AP3M1: variants seen among roughly 807,000 people sequenced by gnomAD.
The protein encoded by AP3M1 is adaptor related protein complex 3 subunit mu 1.
Under a neutral mutation model 42.6 loss-of-function variants are expected in AP3M1, and 29 were observed. The ratio of observed to expected loss-of-function variants is 0.68; its 90% CI spans 0.51 to 0.93. AP3M1 has a LOEUF of 0.93. AP3M1 is among the 40% of genes least tolerant of loss of function. AP3M1 has a pLI of 0.00. For missense variants in AP3M1, 416 were observed against 510.2 expected, an observed-to-expected ratio of 0.82 and a Z score of 1.78; for synonymous variants, 178 against 175.3, an observed-to-expected ratio of 1.02 and a Z score of -0.12.
intron 3 of AP3M1, among the ~76,000 whole-genome samples, chr10:74,135,553 C>T (rs1278269005): frequency 6.6e-6 from 1 of 152,148 alleles, no homozygotes. Flanking sequence ...TAAATATAAT[C>T]TGTATTTAGC....
intron 1 of AP3M1, among the ~76,000 whole-genome samples, chr10:74,141,879 G>GTT (rs58905652): frequency 7.1e-6 from 1 of 140,560 alleles, no homozygotes; most frequent in Non-Finnish European, 1.5e-5. Context: ...CACCTGGCTA[G>GTT]TTTTTTTTTT....
chr10:74,130,027 A>G (rs1484625029), intron 4 of AP3M1, 35 bp from the exon 5 acceptor site: 2 of 1,322,992 alleles, frequency 1.5e-6, no homozygotes, highest in Non-Finnish European at 2.2e-6. Context: ...GATAACATCA[A>G]TGGAATATGA....
At chr10:74,134,700 T>C (rs1416627985) in intron 3 of AP3M1, among the ~76,000 whole-genome samples, 1 of 152,210 alleles carries the variant, frequency 6.6e-6, no homozygotes, top group Non-Finnish European at 1.5e-5. Flanking sequence ...CCTGGTAAAC[T>C]GACACATGCC....
At chr10:74,124,117 TA>T (rs1840547359) in intron 8 of AP3M1, among the ~76,000 whole-genome samples, 1 of 152,232 alleles carries the variant, frequency 6.6e-6, no homozygotes, top group Non-Finnish European at 1.5e-5. Context: ...GTCTGTGAAG[TA>T]TAATTCTACT....
intron 7 of AP3M1, 56 bp from the exon 8 acceptor site, chr10:74,124,580 C>A: frequency 4.8e-6 from 7 of 1,450,438 alleles, no homozygotes; most frequent in East Asian, 2.3e-5. Flanking sequence ...GACAAACCCT[C>A]AAAAACAAAG....
At chr10:74,137,994 C>CAG (rs1173109350) in intron 2 of AP3M1, 113 bp downstream of exon 2, 17 of 1,135,786 alleles carry the variant, frequency 1.5e-5, no homozygotes, top group Non-Finnish European at 2.0e-5. Flanking sequence ...TACGCTTAAA[C>CAG]AGAGAGAGAC....
At chr10:74,131,470 A>G (rs925188010) in intron 4 of AP3M1, among the ~76,000 whole-genome samples, 5 of 151,886 alleles carry the variant, frequency 3.3e-5, no homozygotes, top group Non-Finnish European at 7.4e-5. Flanking sequence ...CCCGGCTTCA[A>G]TAGAATTTTA....
At chr10:74,148,567 G>A (rs1413409999) in intron 1 of AP3M1, among the ~76,000 whole-genome samples, 2 of 152,076 alleles carry the variant, frequency 1.3e-5, no homozygotes, top group Non-Finnish European at 2.9e-5. Context: ...TTTTTTAAGA[G>A]ATAGGGTCTT....
chr10:74,128,583 G>A (rs1396272105), intron 6 of AP3M1, among the ~76,000 whole-genome samples: 1 of 152,020 alleles, frequency 6.6e-6, no homozygotes, highest in Non-Finnish European at 1.5e-5. Flanking sequence ...CAGAGAAGAC[G>A]TACTTGAAGC....
Position 74,138,341 on chromosome 10 carries a change from G to A in AP3M1, c.39C>T (p.Asp13=). ...HSLFLINCSG[D]IFLEKHWKSV... ...TCTTCCAGTGCTTCTCTAGAAATATGTCACCGGAACAGTTTATGAGAAATA... is the reference window on the plus strand; with the variant it reads ...TCTTCCAGTGCTTCTCTAGAAATATATCACCGGAACAGTTTATGAGAAATA... The change falls in exon 2 of 9, where the codon GAC becomes GAT. Residue 13 remains aspartate, a synonymous_variant. Transcript: ENST00000355264. The A allele has an allele frequency of 6.2e-7, 1 of 1,614,118 alleles. No individual in the cohort carries two copies. The highest frequency in any genetic ancestry group is 8.5e-7 in the Non-Finnish European group (1 of 1,179,996).
chr10:74,147,759 G>T (rs1165722343), intron 1 of AP3M1, among the ~76,000 whole-genome samples: 2 of 152,152 alleles, frequency 1.3e-5, no homozygotes, highest in Non-Finnish European at 2.9e-5. Context: ...CCAGCACTTT[G>T]GGAGGCTGAG....
rs1290761092 is a variant in AP3M1, at chr10:74,121,091, T to C, written c.*2719A>G. ...AACTGCTATTATCACTGCTTTATCTTGGAAAGTTGCCGACTATAAAGACAG... is the reference window on the plus strand; with the variant it reads ...AACTGCTATTATCACTGCTTTATCTCGGAAAGTTGCCGACTATAAAGACAG... On this transcript the variant is annotated 3_prime_UTR_variant, in exon 9 of 9. Transcript: ENST00000355264. The C allele has an allele frequency of 6.6e-6, 1 of 152,232 alleles. No individual in the cohort carries two copies. The highest frequency in any genetic ancestry group is 1.5e-5 in the Non-Finnish European group (1 of 68,044). 9.4% of individuals were successfully genotyped at this position (152,232 alleles called of 1,614,324 possible).
chr10:74,136,712 G>A lies in AP3M1; in HGVS notation c.365C>T (p.Pro122Leu). The change falls in exon 3 of 9, where the codon CCA becomes CTA. Residue 122 changes from proline to leucine, a missense_variant. Pro to Leu is a moderately conservative substitution (Grantham distance 98, BLOSUM62 -3). Transcript: ENST00000355264. ...CAAAATGTTAGATTCGGTAGCCAGT[G>A]GAAATCCATTGTCTAACATTTCTTC... ...LLEEMLDNGF[P>L]LATESNILKE... 1.3e-6 allele frequency: 2 copies of A among 1,594,418 alleles called. No individual in the cohort carries two copies. The highest frequency in any genetic ancestry group is 1.7e-6 in the Non-Finnish European group (2 of 1,165,366).
chr10:74,140,292 C>A (rs929642899), intron 1 of AP3M1, among the ~76,000 whole-genome samples: 1 of 152,236 alleles, frequency 6.6e-6, no homozygotes, highest in Non-Finnish European at 1.5e-5. Context: ...TGCCTTGGGG[C>A]GCTCCTGGCC....
chr10:74,124,030 AT>A, intron 8 of AP3M1, 120 bp from the exon 9 acceptor site: 2 of 897,204 alleles, frequency 2.2e-6, no homozygotes, highest in South Asian at 3.2e-5. Flanking sequence ...TTTGGAAGAA[AT>A]GTCTCTTCTA....
intron 1 of AP3M1, among the ~76,000 whole-genome samples, chr10:74,149,474 GA>G: frequency 6.6e-6 from 1 of 151,660 alleles, no homozygotes; most frequent in Admixed American, 6.6e-5. Flanking sequence ...ATTTTTAGTA[GA>G]GACAGGGTTT....
chr10:74,141,398 C>G (rs1439771850), intron 1 of AP3M1, among the ~76,000 whole-genome samples: 2 of 152,194 alleles, frequency 1.3e-5, no homozygotes, highest in African/African-American at 2.4e-5. Flanking sequence ...TGCACCCTAG[C>G]CTGGGTGACA....
rs1840494410 is a variant in AP3M1 at position 74,122,418 on chromosome 10, C to A, written c.*1392G>T. On this transcript the variant is annotated 3_prime_UTR_variant, in exon 9 of 9. Coordinates refer to ENST00000355264, the MANE Select transcript of AP3M1 (RefSeq NM_012095.6). ...AAGAAGGAAACATGAAGAACAAGCA[C>A]TTAAGATATTAACTTTCAGTCTTTC... is the stretch of plus-strand genomic sequence containing the variant. 6.6e-6 allele frequency: 1 copy of A among 152,140 alleles called. No homozygotes were observed. The highest frequency in any genetic ancestry group is 1.5e-5 in the Non-Finnish European group (1 of 68,022). The allele number at this position is 152,140 out of a possible 1,614,324, so 9.4% of individuals were successfully genotyped here.
At chr10:74,141,714 CTTTTTT>C (rs920907444) in intron 1 of AP3M1, among the ~76,000 whole-genome samples, 1 of 133,432 alleles carries the variant, frequency 7.5e-6, no homozygotes, top group African/African-American at 2.8e-5. Flanking sequence ...TTTTATTTTC[CTTTTTT>C]TTTTTTTTTT....
Sources: allele counts gnomAD v4.1 joint callset (sites outside exome capture counted in the v4.1 genomes callset), GRCh38; gene constraint gnomAD v4.1.1; transcripts MANE v1.5; gene names NCBI Gene and HGNC (gene_info 2026-07-23, HGNC 2026-07-21).